ANK2: variants seen among roughly 807,000 people sequenced by gnomAD.
ANK2 encodes ankyrin 2.
ANK2 carries 83 observed loss-of-function variants against 360.5 expected under a neutral mutation model. The ratio of observed to expected loss-of-function variants is 0.23; its 90% CI spans 0.19 to 0.28. The LOEUF is 0.28. ANK2 is among the 10% of genes least tolerant of loss of function. The pLI is 1.00. For missense variants in ANK2, 4,201 were observed against 4,795.7 expected, an observed-to-expected ratio of 0.88 and a Z score of 3.66; for synonymous variants, 1,740 against 1,759.5, an observed-to-expected ratio of 0.99 and a Z score of 0.28.
At chr4:113,118,518 G>A (rs2095062930) in intron 1 of ANK2, among the ~76,000 whole-genome samples, 1 of 151,824 alleles carries the variant, frequency 6.6e-6, no homozygotes, top group Non-Finnish European at 1.5e-5. Context: ...TACTGCATAG[G>A]GATTCATTGC....
intron 2 of ANK2, among the ~76,000 whole-genome samples, chr4:112,975,173 T>C (rs2154268339): frequency 6.6e-6 from 1 of 152,326 alleles, no homozygotes; most frequent in East Asian, 1.9e-4. Flanking sequence ...TATCTTTTGG[T>C]AAAGGAATAT....
Position 113,353,358 on chromosome 4 carries a change from C to A in ANK2, c.4740C>A (p.Ser1580Arg), listed in dbSNP as rs1380887769. ...TCTRDESSVQ[S>R]SRSERGLVEE... ...CAAGAGATGAAAGCAGTGTGCAGAG[C>A]TCTCGGTCTGAGAGAGGATTAGTTG... Residue 1580 changes from serine to arginine, a missense_variant, in exon 38 of 46, where the codon AGC becomes AGA. Ser to Arg is a moderately radical substitution (Grantham distance 110). This residue lies in a region of ANK2 where 1,268 missense variants were observed against 1,650.8 expected (regional missense o/e 0.77). Transcript: ENST00000357077. The A allele has an allele frequency of 1.2e-6, 2 of 1,614,042 alleles. No individual in the cohort carries two copies. The highest frequency in any genetic ancestry group is 1.7e-5 in the Admixed American group (1 of 60,002).
At chr4:113,106,473 G>A (rs2093639841) in intron 1 of ANK2, among the ~76,000 whole-genome samples, 1 of 152,138 alleles carries the variant, frequency 6.6e-6, no homozygotes, top group African/African-American at 2.4e-5. Flanking sequence ...AGGTGTGGAG[G>A]ATAATTGAAA....
At chr4:112,910,080 T>A (rs1217467565) in intron 2 of ANK2, among the ~76,000 whole-genome samples, 1 of 152,244 alleles carries the variant, frequency 6.6e-6, no homozygotes, top group Non-Finnish European at 1.5e-5. Flanking sequence ...TACAAACTTA[T>A]ATGAATCACA....
rs1268423479 is a variant in ANK2 at position 113,353,577 on chromosome 4, G to C, written c.4959G>C (p.Glu1653Asp). 1.2e-6 allele frequency: 2 copies of C among 1,613,970 alleles called. No individual in the cohort carries two copies. The highest frequency in any genetic ancestry group is 8.5e-7 in the Non-Finnish European group (1 of 1,179,950). Residue 1653 changes from glutamate to aspartate, a missense_variant, in exon 38 of 46, where the codon GAG becomes GAC. Glu to Asp is a conservative substitution (Grantham distance 45, BLOSUM62 2). Coordinates refer to ENST00000357077, the MANE Select transcript of ANK2 (RefSeq NM_001148.6). ...DLNTCVPLPKEQLQTVQDKAG... is the reference protein window; with the variant it reads ...DLNTCVPLPKDQLQTVQDKAG... ...ATACCTGTGTGCCTCTTCCCAAAGA[G>C]CAGCTGCAGACAGTTCAAGATAAGG...
chr4:112,931,601 T>A (rs1339353522), intron 2 of ANK2, among the ~76,000 whole-genome samples: 1 of 151,996 alleles, frequency 6.6e-6, no homozygotes, highest in Non-Finnish European at 1.5e-5. Context: ...CATGCCTGGC[T>A]AATGTTTTTG....
intron 16 of ANK2, 116 bp downstream of exon 16, chr4:113,278,051 T>C: frequency 1.0e-6 from 1 of 993,496 alleles, no homozygotes; most frequent in East Asian, 2.7e-5. Context: ...GATGAAACTA[T>C]CCCAAATAGA....
chr4:113,074,572 G>A (rs1275307643), intron 1 of ANK2, among the ~76,000 whole-genome samples: 1 of 152,202 alleles, frequency 6.6e-6, no homozygotes, highest in Non-Finnish European at 1.5e-5. Flanking sequence ...TGAAAAGTAT[G>A]ATGATTTAAA....
chr4:112,986,677 G>A (rs1001718973), intron 2 of ANK2, among the ~76,000 whole-genome samples: 14 of 152,174 alleles, frequency 9.2e-5, no homozygotes, highest in African/African-American at 2.9e-4. Flanking sequence ...GTAGCAGAGT[G>A]TTTACTTCAT....
At chr4:113,094,408 C>G (rs1458944249) in intron 1 of ANK2, among the ~76,000 whole-genome samples, 4 of 152,096 alleles carry the variant, frequency 2.6e-5, no homozygotes, top group African/African-American at 7.2e-5. Flanking sequence ...TTCTTAAATA[C>G]AAATTTTGAT....
Position 113,363,337 on chromosome 4 carries a change from G to A in ANK2, c.10757-1G>A. 1 of 1,612,788 alleles carries A rather than the reference G, an allele frequency of 6.2e-7. No homozygotes were observed. On this transcript the variant is annotated splice_acceptor_variant, in intron 39 of 45. Transcript: ENST00000357077. LOFTEE classifies it high-confidence loss of function. ...TTACAAAGTAGTATTTTATCTTCTA[G>A]AATTAGCAAGAGAACTGGATTTCAC...
At chr4:113,378,284 T>C (rs2097031840) in intron 45 of ANK2, 1 of 408,906 alleles carries the variant, frequency 2.4e-6, no homozygotes, top group Non-Finnish European at 4.4e-6. Flanking sequence ...CTAAAGAGGA[T>C]AGAAAACTGC....
chr4:113,327,987 TAG>T (rs1013517989), intron 26 of ANK2, among the ~76,000 whole-genome samples: 1 of 152,164 alleles, frequency 6.6e-6, no homozygotes, highest in African/African-American at 2.4e-5. Context: ...GTCAGGAACT[TAG>T]CTACTTCAAT....
At chr4:112,790,176 G>T in the ANK2 span, among the ~76,000 whole-genome samples, 2 of 152,016 alleles carry the variant, frequency 1.3e-5, no homozygotes, top group African/African-American at 4.8e-5. Context: ...GTGGAAAAAA[G>T]AGAATAAATA....
intron 1 of ANK2, among the ~76,000 whole-genome samples, chr4:113,080,308 G>A (rs919041491): frequency 6.6e-6 from 1 of 152,106 alleles, no homozygotes; most frequent in Non-Finnish European, 1.5e-5. Flanking sequence ...GTGGTTAGCT[G>A]GGCTCTGAGA....
At chr4:113,051,383 C>T (rs1424645401) in intron 1 of ANK2, among the ~76,000 whole-genome samples, 1 of 152,126 alleles carries the variant, frequency 6.6e-6, no homozygotes, top group African/African-American at 2.4e-5. Flanking sequence ...ATACTAACTT[C>T]ACATGACCAA....
chr4:113,083,659 G>A lies in ANK2; in HGVS notation c.84+33847G>A, dbSNP rs560284944. Among the ~76,000 whole-genome samples the A allele has an allele frequency of 1.8e-4, 27 of 152,254 alleles. No individual in the cohort carries two copies. The East Asian group carries it at 5.2e-3, about 29-fold the overall frequency. ...CTCTGAGCCAATCAAAATCATGTGG[G>A]CATTGAAGTTCAAAACCACAACATA... On this transcript the variant is annotated intron_variant, in intron 1 of 45. Transcript: ENST00000357077.
rs1184265938 is a variant in ANK2 at position 112,951,081 on chromosome 4, C to CAAAAAAA, written c.21+46586_21+46592dup. Among the ~76,000 whole-genome samples the CAAAAAAA allele has an allele frequency of 4.9e-3, 275 of 55,922 alleles. 13 individuals carry two copies. The highest frequency in any genetic ancestry group is 0.013 in the African/African-American group (192 of 15,150). The allele number at this position is 55,922 out of a possible 152,430, so 36.7% of individuals were successfully genotyped here. On this transcript the variant is annotated intron_variant, in intron 2 of 30. Transcript: ENST00000503271. ...TGGGCGACAGAGCGAGCCTCCGTCT[C>CAAAAAAA]AAAAAAAAAAAAAAAAAAAAAAAAA...
intron 1 of ANK2, among the ~76,000 whole-genome samples, chr4:112,879,829 T>C (rs1369354532): frequency 6.6e-6 from 1 of 152,132 alleles, no homozygotes; most frequent in African/African-American, 2.4e-5. Context: ...ATCTACCCAG[T>C]GTCTATGTGA....
Sources: gnomAD v4.1 joint callset for allele counts (sites outside exome capture counted in the v4.1 genomes callset) on GRCh38, gnomAD v4.1.1 for gene constraint, gnomAD v4.1.1 regional missense constraint, MANE v1.5 for transcripts, NCBI Gene and HGNC (gene_info 2026-07-23, HGNC 2026-07-21) for gene names.